The following BRSK2 variants were observed in gnomAD, a reference collection of about 807,000 sequenced individuals.
BRSK2 encodes serine/threonine-protein kinase BRSK2.
In BRSK2, 19 loss-of-function variants were observed where a neutral mutation model predicts 83.3. The observed-to-expected ratio is 0.23, with a 90% confidence interval of 0.16 to 0.33. BRSK2 has a LOEUF of 0.33. Ranked by LOEUF, BRSK2 falls within the 10% of genes least tolerant of loss-of-function variation. The probability of loss-of-function intolerance (pLI) is 1.00; values close to 1 mark genes in which losing one functional copy is unlikely to be tolerated. For missense variants in BRSK2, 798 were observed against 1,042.3 expected, an observed-to-expected ratio of 0.77 and a Z score of 3.23; for synonymous variants, 519 against 435.4, an observed-to-expected ratio of 1.19 and a Z score of -2.39.
At chr11:1,405,981 C>T (rs1474922934) in intron 1 of BRSK2, among the ~76,000 whole-genome samples, 3 of 152,104 alleles carry the variant, frequency 2.0e-5, no homozygotes, top group Non-Finnish European at 4.4e-5. Context: ...CCCCCACAAG[C>T]CCCCACAGGC....
At chr11:1,452,485 A>G (rs1845918485) in intron 15 of BRSK2, among the ~76,000 whole-genome samples, 1 of 152,248 alleles carries the variant, frequency 6.6e-6, no homozygotes, top group Admixed American at 6.5e-5. Context: ...GGTGGAAAAC[A>G]TCAAAGCCGA....
chr11:1,456,895 C>A, intron 18 of BRSK2: 1 of 1,559,826 alleles, frequency 6.4e-7, no homozygotes, highest in Admixed American at 1.7e-5. Flanking sequence ...CTCGCCTCTG[C>A]ACGCCAGGGA....
At position 1,438,086 on chromosome 11, in the gene BRSK2, TGCGTCCCCCACAGCTGGCACCAAAGG is replaced by T. The variant is rs1850582543; in HGVS notation, c.187-219_187-194del. Among the ~76,000 whole-genome samples the T allele has an allele frequency of 8.0e-6, 1 of 124,324 alleles. No individual in the cohort carries two copies. Among genetic ancestry groups the T allele is most frequent in the Non-Finnish European group, 1.7e-5 (1 of 57,520 alleles). The allele number at this position is 124,324 out of a possible 152,430, so 81.6% of individuals were successfully genotyped here. A position where few individuals can be genotyped will look rare whatever the true frequency, so the allele number is the denominator to read the frequency against. ...CCCCACAGCTGGCACCAAAGGCCCCTGCGTCCCCCACAGCTGGCACCAAAGGCCCCTGCGTCCCCCACAGCTGGCAC... is the reference window on the plus strand; with the variant it reads ...CCCCACAGCTGGCACCAAAGGCCCCTCCCCTGCGTCCCCCACAGCTGGCAC... On this transcript the variant is annotated intron_variant, in intron 2 of 19. Coordinates refer to ENST00000528841, the MANE Select transcript of BRSK2 (RefSeq NM_001256627.2). This position sits in a 1 kb window ranked among gnomAD's most constrained non-coding sequence, Gnocchi z 6.4.
Position 1,456,544 on chromosome 11 carries a change from C to T in BRSK2, c.1849+16C>T. 1 of 1,596,246 alleles carries T rather than the reference C, an allele frequency of 6.3e-7. No homozygotes were observed. The highest frequency in any genetic ancestry group is 8.5e-7 in the Non-Finnish European group (1 of 1,171,840). On this transcript the variant is annotated intron_variant, in intron 17 of 19. Transcript: ENST00000528841. ...CTGCTCTCAGGTGAGCTGGCGCCCC[C>T]AGGGCGGCTCCGGGCCCAGGCCCGT... is the stretch of plus-strand genomic sequence containing the variant.
chr11:1,448,606 C>G (rs893585254), intron 12 of BRSK2, among the ~76,000 whole-genome samples: 2 of 152,156 alleles, frequency 1.3e-5, no homozygotes, highest in African/African-American at 4.8e-5. Flanking sequence ...TGGGCGGGCT[C>G]GACAGGAACC....
intron 1 of BRSK2, among the ~76,000 whole-genome samples, chr11:1,406,740 G>T (rs941844584): frequency 2.6e-5 from 4 of 152,212 alleles, no homozygotes; most frequent in African/African-American, 9.7e-5. Context: ...GCGGGGGTGG[G>T]CCTGTCGCTG....
In BRSK2 at chr11:1,436,309, C is replaced by T. The variant is rs192921814; in HGVS notation, c.186+175C>T. 4.3e-3 allele frequency among the ~76,000 whole-genome samples: 656 copies of T among 152,156 alleles called. 4 individuals carry two copies. The highest frequency in any genetic ancestry group is 0.015 in the African/African-American group (631 of 41,494). On this transcript the variant is annotated intron_variant, in intron 2 of 19. Transcript: ENST00000528841. ...GGTCCCCTGGTAGGGTGCCTTTGCT[C>T]TTGCTCCTCCCTCCAGCCCTGCCCA...
chr11:1,445,649 G>GC lies in BRSK2; in HGVS notation c.1063dup (p.Arg355ProfsTer48), dbSNP rs779380593. 6.3e-6 allele frequency: 10 copies of GC among 1,593,434 alleles called. No homozygotes were observed. The highest frequency in any genetic ancestry group is 1.3e-5 in the African/African-American group (1 of 74,420). On this transcript the variant is annotated frameshift_variant, in exon 11 of 20. Transcript: ENST00000528841. LOFTEE classifies it high-confidence loss of function. ...ACCCGAGCCAGGAGGATGAGGACCT[G>GC]CCCCCCCGGAACGAGATAGGTATGG... is the stretch of plus-strand genomic sequence containing the variant.
intron 1 of BRSK2, among the ~76,000 whole-genome samples, chr11:1,392,665 G>A (rs984405277): frequency 4.6e-5 from 7 of 152,270 alleles, no homozygotes; most frequent in African/African-American, 1.4e-4. Flanking sequence ...CTGGCCGTGT[G>A]GGGAGGGGAG....
chr11:1,443,786 C>T (rs984449727), intron 8 of BRSK2, 151 bp downstream of exon 8: 19 of 1,114,362 alleles, frequency 1.7e-5, no homozygotes, highest in Admixed American at 3.2e-5. Flanking sequence ...GCACAGGTGT[C>T]GGCTTGTGTT....
chr11:1,390,405 C>G lies in BRSK2; in HGVS notation c.91+30C>G. The G allele has an allele frequency of 1.0e-6, 1 of 963,274 alleles. No individual in the cohort carries two copies. The highest frequency in any genetic ancestry group is 1.2e-6 in the Non-Finnish European group (1 of 801,758). 59.7% of individuals were successfully genotyped at this position (963,274 alleles called of 1,614,324 possible). On this transcript the variant is annotated intron_variant, in intron 1 of 19. Transcript: ENST00000528841. This position sits in a 1 kb window ranked among gnomAD's most constrained non-coding sequence, Gnocchi z 6.8. ...GTGCGGCCGGGGCGGGGACCGGGGC[C>G]GGGGAGGCCGCGCTGGCAGCGCGCT...
rs572072352 is a variant in BRSK2, at chr11:1,410,880, G to A, written c.91+20505G>A. On this transcript the variant is annotated intron_variant, in intron 1 of 19. Coordinates refer to ENST00000528841, the MANE Select transcript of BRSK2 (RefSeq NM_001256627.2). Reference sequence around the variant, plus strand: ...GCTTCAGCAGCCACTTGGTAGGAGGGCCTTCGACGGCCCTTTTGTGCAGAA... The same window carrying A: ...GCTTCAGCAGCCACTTGGTAGGAGGACCTTCGACGGCCCTTTTGTGCAGAA... 4 of 985,926 alleles carry A rather than the reference G, an allele frequency of 4.1e-6. No homozygotes were observed. In the South Asian group the frequency reaches 1.4e-4, roughly 35 times the overall value. The allele number at this position is 985,926 out of a possible 1,614,324, so 61.1% of individuals were successfully genotyped here.
At chr11:1,405,429 G>A (rs1846804141) in intron 1 of BRSK2, among the ~76,000 whole-genome samples, 1 of 152,064 alleles carries the variant, frequency 6.6e-6, no homozygotes, top group African/African-American at 2.4e-5. Context: ...TGAAGCTCAG[G>A]ATGGCTGGGG....
In BRSK2 at chr11:1,458,326, C is replaced by A. The variant is rs553925752; in HGVS notation, c.1940-866C>A. ...CTCCAAGCCCCTCTCCATTCCTGCCCCGGACCCTGACCTCAGTGGAGCCCA... is the reference window on the plus strand; with the variant it reads ...CTCCAAGCCCCTCTCCATTCCTGCCACGGACCCTGACCTCAGTGGAGCCCA... On this transcript the variant is annotated intron_variant, in intron 18 of 19. Coordinates refer to ENST00000528841, the MANE Select transcript of BRSK2 (RefSeq NM_001256627.2). Among the ~76,000 whole-genome samples, 6 of 152,272 alleles carry A rather than the reference C, an allele frequency of 3.9e-5. No homozygotes were observed. In the South Asian group the frequency reaches 1.2e-3, roughly 32 times the overall value.
chr11:1,439,396 CTG>C (rs779998584), intron 3 of BRSK2, among the ~76,000 whole-genome samples: 1 of 152,094 alleles, frequency 6.6e-6, no homozygotes, highest in African/African-American at 2.4e-5. Flanking sequence ...GGCTCAGAAA[CTG>C]TCACCAGAGG....
chr11:1,447,344 C>T (rs1188342876), intron 12 of BRSK2, among the ~76,000 whole-genome samples: 2 of 152,194 alleles, frequency 1.3e-5, no homozygotes, highest in African/African-American at 4.8e-5. Flanking sequence ...ACTGCCTGGC[C>T]CCTCCGGTCA....
At chr11:1,403,473 C>T (rs951084028) in intron 1 of BRSK2, among the ~76,000 whole-genome samples, 1 of 152,240 alleles carries the variant, frequency 6.6e-6, no homozygotes, top group African/African-American at 2.4e-5. Context: ...TCTCAGCCCC[C>T]TCTCTGCTCC....
intron 19 of BRSK2, among the ~76,000 whole-genome samples, chr11:1,459,965 C>A (rs1847204641): frequency 6.6e-6 from 1 of 152,166 alleles, no homozygotes; most frequent in East Asian, 1.9e-4. Flanking sequence ...CACTGGGCCT[C>A]ATGCAGTGGG....
chr11:1,447,634 G>A (rs543997966), intron 12 of BRSK2, among the ~76,000 whole-genome samples: 408 of 152,280 alleles, frequency 2.7e-3, no homozygotes, highest in Non-Finnish European at 4.4e-3. Context: ...GCAGTCACAC[G>A]GTGCGGGGTG....
Sources: gnomAD v4.1 joint callset for allele counts (sites outside exome capture counted in the v4.1 genomes callset) on GRCh38, gnomAD v4.1.1 for gene constraint, Gnocchi (gnomAD v3.1) non-coding constraint, MANE v1.5 for transcripts, NCBI Gene and HGNC (gene_info 2026-07-23, HGNC 2026-07-21) for gene names.